The following CHRNA9 variants were observed in gnomAD, a reference collection of about 807,000 sequenced individuals.
CHRNA9 encodes cholinergic receptor nicotinic alpha 9 subunit.
In CHRNA9, 24 loss-of-function variants were observed where a neutral mutation model predicts 36.8. The ratio of observed to expected loss-of-function variants is 0.65; its 90% confidence interval spans 0.47 to 0.92. The LOEUF is 0.92. Ranked by LOEUF, CHRNA9 falls within the 40% of genes least tolerant of loss-of-function variation. The pLI, the probability that CHRNA9 is intolerant of heterozygous loss-of-function variation, is 0.00. For synonymous variants in CHRNA9, 231 were observed against 231.8 expected (o/e 1.00, Z 0.03); for missense variants, 610 against 601.2 (o/e 1.01, Z -0.15).
Position 40,354,527 on chromosome 4 carries a change from A to T in CHRNA9, c.*7A>T. The T allele has an allele frequency of 6.3e-7, 1 of 1,592,592 alleles. No homozygotes were observed. Among genetic ancestry groups the T allele is most frequent in the Non-Finnish European group, 8.6e-7 (1 of 1,165,130 alleles). On this transcript the variant is annotated 3_prime_UTR_variant, in exon 5 of 5. Coordinates refer to ENST00000310169, the MANE Select transcript of CHRNA9 (RefSeq NM_017581.4). ...CATAGCAAGAGCGGATTAGTCACAG[A>T]TATTGGCTTTGCTATCTGGGTAGAA...
intron 2 of CHRNA9, among the ~76,000 whole-genome samples, chr4:40,336,652 T>G (rs1712329377): frequency 6.6e-6 from 1 of 151,436 alleles, no homozygotes; most frequent in African/African-American, 2.5e-5. Flanking sequence ...AATTTTTTTT[T>G]TGTATTTTTA....
At chr4:40,335,686 A>G (rs1712295638) in intron 1 of CHRNA9, 141 bp from the exon 2 acceptor site, 1 of 1,020,822 alleles carries the variant, frequency 9.8e-7, no homozygotes, top group South Asian at 1.4e-5. Flanking sequence ...GGCATGCCAG[A>G]AAAACAACTC....
intron 4 of CHRNA9, among the ~76,000 whole-genome samples, chr4:40,351,765 A>G (rs997092404): frequency 6.6e-6 from 1 of 152,196 alleles, no homozygotes; most frequent in African/African-American, 2.4e-5. Context: ...TTACTCGTCA[A>G]TGTCGTGAAT....
chr4:40,347,504 G>A (rs767222522), intron 3 of CHRNA9, among the ~76,000 whole-genome samples: 31 of 152,194 alleles, frequency 2.0e-4, no homozygotes, highest in Non-Finnish European at 4.1e-4. Context: ...GAATGTTGTA[G>A]AAGAGTATGA....
chr4:40,353,603 G>A (rs1490190505), intron 4 of CHRNA9, among the ~76,000 whole-genome samples: 3 of 151,984 alleles, frequency 2.0e-5, no homozygotes, highest in Non-Finnish European at 4.4e-5. Flanking sequence ...ACAATGTTTT[G>A]GTAAATGACA....
At chr4:40,346,459 G>A (rs1712641157) in intron 3 of CHRNA9, among the ~76,000 whole-genome samples, 1 of 152,172 alleles carries the variant, frequency 6.6e-6, no homozygotes, top group Non-Finnish European at 1.5e-5. Context: ...CATGCCCAGT[G>A]CAAATGTCCT....
intron 3 of CHRNA9, among the ~76,000 whole-genome samples, chr4:40,338,893 A>T (rs111392643): frequency 5.5e-5 from 6 of 108,320 alleles, no homozygotes; most frequent in Admixed American, 1.7e-4. Flanking sequence ...TCTCTCTCTC[A>T]CACACACACA....
chr4:40,335,849 A>C lies in CHRNA9; in HGVS notation c.87A>C (p.Lys29Asn). Residue 29 changes from lysine to asparagine, a missense_variant, in exon 2 of 5, where the codon AAA (lysine) becomes AAC (asparagine). Coordinates refer to ENST00000310169, the MANE Select transcript of CHRNA9 (RefSeq NM_017581.4). ...TAGCTGCAGAGACGGCAGATGGAAAATATGCTCAGAAGTTGTTTAATGACC... is the reference window on the plus strand; with the variant it reads ...TAGCTGCAGAGACGGCAGATGGAAACTATGCTCAGAAGTTGTTTAATGACC... The part of the protein sequence containing the change: ...RLRAAETADG[K>N]YAQKLFNDLF... 1.2e-6 allele frequency: 2 copies of C among 1,613,454 alleles called. No homozygotes were observed. The highest frequency in any genetic ancestry group is 4.5e-5 in the East Asian group (2 of 44,888).
intron 1 of CHRNA9, 75 bp downstream of exon 1, chr4:40,335,606 G>T: frequency 8.1e-7 from 1 of 1,233,888 alleles, no homozygotes; most frequent in South Asian, 1.2e-5. Flanking sequence ...GGGCAGGACA[G>T]GGAAGACAAA....
intron 2 of CHRNA9, among the ~76,000 whole-genome samples, chr4:40,336,211 G>A (rs370884054): frequency 1.1e-4 from 16 of 152,314 alleles, no homozygotes; most frequent in African/African-American, 3.9e-4. Flanking sequence ...GAAAGATGGG[G>A]TTACATACTG....
chr4:40,343,208 G>T (rs1459708205), intron 3 of CHRNA9, among the ~76,000 whole-genome samples: 3 of 152,186 alleles, frequency 2.0e-5, no homozygotes, highest in Non-Finnish European at 4.4e-5. Context: ...CTCAGTCTTT[G>T]ATCAGATACA....
In CHRNA9 at chr4:40,342,975, A is replaced by G. The variant is rs563694296; in HGVS notation, c.365+5611A>G. On this transcript the variant is annotated intron_variant, in intron 3 of 4. Coordinates refer to ENST00000310169, the MANE Select transcript of CHRNA9 (RefSeq NM_017581.4). Reference sequence around the variant, plus strand: ...ATATGGAAAGGAAGGAAAAGTGAATATGTGAAAGAGACATTGGAGATGGAA... The same window carrying G: ...ATATGGAAAGGAAGGAAAAGTGAATGTGTGAAAGAGACATTGGAGATGGAA... 3.3e-5 allele frequency among the ~76,000 whole-genome samples: 5 copies of G among 152,240 alleles called. No homozygotes were observed. The South Asian group carries it at 1.0e-3, about 32-fold the overall frequency.
chr4:40,336,300 G>T (rs150042863), intron 2 of CHRNA9, among the ~76,000 whole-genome samples: 1 of 152,318 alleles, frequency 6.6e-6, no homozygotes, highest in East Asian at 1.9e-4. Context: ...GCCGGGGTCT[G>T]TGGGGAGGAC....
intron 3 of CHRNA9, among the ~76,000 whole-genome samples, chr4:40,345,215 C>A (rs1712605795): frequency 6.6e-6 from 1 of 151,896 alleles, no homozygotes; most frequent in Admixed American, 6.6e-5. Context: ...GATCAAAAAT[C>A]TAGGGAGATA....
intron 3 of CHRNA9, among the ~76,000 whole-genome samples, chr4:40,344,420 G>T (rs1712580671): frequency 1.3e-5 from 2 of 151,938 alleles, no homozygotes; most frequent in Admixed American, 6.6e-5. Context: ...TGTAATCCCA[G>T]CTACTCGGGA....
chr4:40,336,026 C>G (rs916424476), intron 2 of CHRNA9, 54 bp downstream of exon 2: 1 of 1,462,558 alleles, frequency 6.8e-7, no homozygotes, highest in Non-Finnish European at 9.5e-7. Context: ...GATAAACAAC[C>G]ATGCTTTCTG....
intron 3 of CHRNA9, among the ~76,000 whole-genome samples, chr4:40,340,641 G>A (rs1284691569): frequency 6.6e-6 from 1 of 152,142 alleles, no homozygotes; most frequent in Non-Finnish European, 1.5e-5. Context: ...GTGGCAAGAA[G>A]GAGAAATAGG....
At position 40,354,249 on chromosome 4, in the gene CHRNA9, T is replaced by C. The variant is rs1029616568; in HGVS notation, c.1169T>C (p.Leu390Pro). The C allele has an allele frequency of 1.2e-6, 2 of 1,614,180 alleles. No homozygotes were observed. Among genetic ancestry groups the C allele is most frequent in the African/African-American group, 2.7e-5 (2 of 75,038 alleles). The change falls in exon 5 of 5, where the codon CTT (leucine) becomes CCT (proline). Residue 390 changes from leucine (L) to proline (P), a missense_variant. Coordinates refer to ENST00000310169, the MANE Select transcript of CHRNA9 (RefSeq NM_017581.4). ...CTGAAAGCAGCCAGGAACAAAGACCTTTCCAGAAAGAAGGACATGAACAAA... is the reference window on the plus strand; with the variant it reads ...CTGAAAGCAGCCAGGAACAAAGACCCTTCCAGAAAGAAGGACATGAACAAA... Reference protein sequence around the residue: ...SNLKAARNKDLSRKKDMNKRL... With the variant: ...SNLKAARNKDPSRKKDMNKRL...
intron 3 of CHRNA9, among the ~76,000 whole-genome samples, chr4:40,342,360 A>T (rs1407721584): frequency 6.6e-6 from 1 of 152,248 alleles, no homozygotes; most frequent in Non-Finnish European, 1.5e-5. Context: ...TGAAACCTGG[A>T]GAAACAGATA....
Sources: allele counts gnomAD v4.1 joint callset (sites outside exome capture counted in the v4.1 genomes callset), GRCh38; gene constraint gnomAD v4.1.1; transcripts MANE v1.5; gene names NCBI Gene and HGNC (gene_info 2026-07-23, HGNC 2026-07-21).